The following PLPP2 variants were observed in gnomAD, a reference collection of about 807,000 sequenced individuals.
PLPP2 encodes the protein phospholipid phosphatase 2, also known as PAP2-gamma.
PLPP2 carries 29 observed loss-of-function variants against 35.2 expected under a neutral mutation model. The ratio of observed to expected loss-of-function variants is 0.82; its 90% CI spans 0.61 to 1.12. PLPP2 has a LOEUF of 1.12. Ranked by LOEUF, PLPP2 falls within the 50% of genes most tolerant of loss-of-function variation. PLPP2 has a pLI of 0.00. For synonymous variants in PLPP2, 162 were observed against 167.0 expected (o/e 0.97, Z 0.23); for missense variants, 353 against 375.2 (o/e 0.94, Z 0.49).
In PLPP2 at chr19:287,538, A is replaced by G. The variant is rs767414654; in HGVS notation, c.418T>C (p.Cys140Arg). 1.4e-5 allele frequency: 22 copies of G among 1,613,658 alleles called. No individual in the cohort carries two copies. The highest frequency in any genetic ancestry group is 1.6e-4 in the Middle Eastern group (1 of 6,084). ...VCDPDWSRVN[C>R]SVYVQLEKVC... ...TTCTCCAGCTGCACATAGACCGAGC[A>G]GTTGACCCGGCTCCAGTCGGGGTCG... Residue 140 changes from cysteine to arginine, a missense_variant, in exon 3 of 6, where the codon TGC becomes CGC. Cys to Arg is a radical substitution (Grantham distance 180). Transcript: ENST00000434325. The surrounding 1 kb of genome is among the most constrained non-coding windows in gnomAD (Gnocchi z 4.3).
chr19:284,367 T>C (rs1432056677), intron 3 of PLPP2: 1 of 149,322 alleles, frequency 6.7e-6, no homozygotes, highest in African/African-American at 2.5e-5. Context: ...AAAAAAAAAA[T>C]TACAAGGCAT....
At chr19:281,786 C>T (rs1023891192) in intron 5 of PLPP2, among the ~76,000 whole-genome samples, 4 of 129,328 alleles carry the variant, frequency 3.1e-5, no homozygotes, top group Middle Eastern at 4.1e-3. Flanking sequence ...CTGGGGTGCA[C>T]GGAAAGGAGT....
intron 3 of PLPP2, chr19:283,781 T>C (rs2145268600): frequency 6.6e-6 from 1 of 152,324 alleles, no homozygotes; most frequent in South Asian, 2.1e-4. Flanking sequence ...GCGGAAGGGC[T>C]GACCCCACAT....
chr19:289,540 C>A (rs1018380389), intron 1 of PLPP2, among the ~76,000 whole-genome samples: 4 of 151,888 alleles, frequency 2.6e-5, no homozygotes, highest in Non-Finnish European at 5.9e-5. Context: ...ACGGTGAAAC[C>A]CCAACTCTAC....
In PLPP2 at chr19:291,360, G is replaced by T; in HGVS notation, c.-24C>A. The stretch of plus-strand genomic sequence containing the variant: ...ATGGTCCCCGCGACCCCCGACGCCG[G>T]TCCCAGCGCGTCCCGTCGCGTCCCG... On this transcript the variant is annotated 5_prime_UTR_variant, in exon 1 of 6. Coordinates refer to ENST00000434325, the MANE Select transcript of PLPP2 (RefSeq NM_003712.4). 6.3e-7 allele frequency: 1 copy of T among 1,583,888 alleles called. No individual in the cohort carries two copies. Among genetic ancestry groups the T allele is most frequent in the Non-Finnish European group, 8.6e-7 (1 of 1,167,392 alleles).
intron 1 of PLPP2, among the ~76,000 whole-genome samples, chr19:290,396 G>A (rs1970363232): frequency 6.6e-6 from 1 of 152,218 alleles, no homozygotes; most frequent in Non-Finnish European, 1.5e-5. Context: ...CTCAGGAAAT[G>A]GTACCACGGG....
At chr19:284,832 A>G (rs1034615209) in intron 3 of PLPP2, 20 of 152,172 alleles carry the variant, frequency 1.3e-4, no homozygotes, top group African/African-American at 4.8e-4. Context: ...AAATAGGTCA[A>G]TTGGCCGGGC....
At chr19:281,603 G>A (rs1970175107) in intron 5 of PLPP2, 66 bp from the exon 6 acceptor site, 2 of 1,356,736 alleles carry the variant, frequency 1.5e-6, no homozygotes, top group Admixed American at 5.3e-5. Context: ...ATGGGCATGA[G>A]CAGGAGGGGG....
Position 281,891 on chromosome 19 carries a change from G to T in PLPP2, c.717+243C>A. On this transcript the variant is annotated intron_variant, in intron 5 of 5. Coordinates refer to ENST00000434325, the MANE Select transcript of PLPP2 (RefSeq NM_003712.4). ...GGAAGGGGTCCCAGGGGAGGACTTT[G>T]GGGGTAATGAAGAGGGTCCAGGTAA... 5.5e-6 allele frequency: 3 copies of T among 542,164 alleles called. No homozygotes were observed. In the South Asian group the frequency reaches 7.0e-5, roughly 13 times the overall value. 33.6% of individuals were successfully genotyped at this position (542,164 alleles called of 1,614,324 possible). A position where few individuals can be genotyped will look rare whatever the true frequency, so the allele number is the denominator to read the frequency against.
rs772255166 is a variant in PLPP2, at chr19:282,330, T to A, written c.541-20A>T. 6 of 1,610,792 alleles carry A rather than the reference T, an allele frequency of 3.7e-6. No homozygotes were observed. In the East Asian group the frequency reaches 1.3e-4, roughly 36 times the overall value. Reference sequence around the variant, plus strand: ...ATACAGCTGGAGTGGGGAGAGGACGTGTTAGCCTGTGCACCTGCCAGGCGC... The same window carrying A: ...ATACAGCTGGAGTGGGGAGAGGACGAGTTAGCCTGTGCACCTGCCAGGCGC... On this transcript the variant is annotated intron_variant, in intron 4 of 5. Coordinates refer to ENST00000434325, the MANE Select transcript of PLPP2 (RefSeq NM_003712.4).
chr19:290,792 G>C (rs904737122), intron 1 of PLPP2, among the ~76,000 whole-genome samples: 2 of 152,110 alleles, frequency 1.3e-5, no homozygotes, highest in Admixed American at 6.5e-5. Flanking sequence ...GGGCCTCCCC[G>C]CACGTGCACG....
Position 282,735 on chromosome 19 carries a change from G to C in PLPP2, c.540+17C>G. 1 of 1,610,100 alleles carries C rather than the reference G, an allele frequency of 6.2e-7. No homozygotes were observed. The highest frequency in any genetic ancestry group is 8.5e-7 in the Non-Finnish European group (1 of 1,176,710). On this transcript the variant is annotated intron_variant, in intron 4 of 5. Coordinates refer to ENST00000434325, the MANE Select transcript of PLPP2 (RefSeq NM_003712.4). ...CATGGTTCCCCCGAAAAGCAAGCCC[G>C]GGAGAAACAGACTCACCGCCAAGAA... is the stretch of plus-strand genomic sequence containing the variant.
intron 1 of PLPP2, 162 bp downstream of exon 1, chr19:291,123 G>A: frequency 7.3e-7 from 1 of 1,378,338 alleles, no homozygotes. Context: ...CGCAGTGCGG[G>A]GCGCGGAGGG....
chr19:281,569 G>A, intron 5 of PLPP2, 32 bp from the exon 6 acceptor site: 1 of 1,445,066 alleles, frequency 6.9e-7, no homozygotes, highest in Non-Finnish European at 9.2e-7. Context: ...AGAATGGGCA[G>A]GGGGCTGTCC....
chr19:290,638 G>A (rs544143539), intron 1 of PLPP2, among the ~76,000 whole-genome samples: 2 of 152,222 alleles, frequency 1.3e-5, no homozygotes, highest in Admixed American at 1.3e-4. Context: ...GCCTCGGGAT[G>A]CCCATTCCGC....
chr19:287,263 C>T lies in PLPP2; in HGVS notation c.482+211G>A. The T allele has an allele frequency of 1.2e-5, 7 of 596,320 alleles. No individual in the cohort carries two copies. Among genetic ancestry groups the T allele is most frequent in the Non-Finnish European group, 1.7e-5 (6 of 348,028 alleles). 36.9% of individuals were successfully genotyped at this position (596,320 alleles called of 1,614,324 possible). ...AGGTAAATGTACTAAACAACAGAAC[C>T]CCAAAATACTTAAAGCAAAAACTGA... On this transcript the variant is annotated intron_variant, in intron 3 of 5. Coordinates refer to ENST00000434325, the MANE Select transcript of PLPP2 (RefSeq NM_003712.4). The surrounding 1 kb of genome is among the most constrained non-coding windows in gnomAD (Gnocchi z 4.3).
At chr19:283,030 ACT>A (rs1398781636) in intron 3 of PLPP2, 2 of 559,766 alleles carry the variant, frequency 3.6e-6, no homozygotes, top group East Asian at 6.0e-5. Context: ...ATCCGTGAAG[ACT>A]CTGAGGCCTG....
rs971491360 is a variant in PLPP2 at position 288,101 on chromosome 19, G to A, written c.123C>T (p.Asp41=). 1 of 1,613,318 alleles carries A rather than the reference G, an allele frequency of 6.2e-7. No individual in the cohort carries two copies. The highest frequency in any genetic ancestry group is 1.3e-5 in the African/African-American group (1 of 74,912). Reference sequence around the variant, plus strand: ...CTGGACGGTAGGGGTACCGGATGGAGTCATCCCCGCAGTAAAATCCTCGCT... The same window carrying A: ...CTGGACGGTAGGGGTACCGGATGGAATCATCCCCGCAGTAAAATCCTCGCT... The part of the protein sequence containing the change: ...PYKRGFYCGD[D]SIRYPYRPDT... The change falls in exon 2 of 6, where the codon GAC becomes GAT. Residue 41 remains aspartate, a synonymous_variant. Coordinates refer to ENST00000434325, the MANE Select transcript of PLPP2 (RefSeq NM_003712.4).
intron 1 of PLPP2, among the ~76,000 whole-genome samples, chr19:289,580 G>C (rs762370181): frequency 6.6e-6 from 1 of 152,200 alleles, no homozygotes; most frequent in South Asian, 2.1e-4. Context: ...TGGGTGTGGC[G>C]GTGTCCCAGC....
Sources: allele counts gnomAD v4.1 joint callset (sites outside exome capture counted in the v4.1 genomes callset), GRCh38; gene constraint gnomAD v4.1.1; non-coding constraint Gnocchi (gnomAD v3.1); transcripts MANE v1.5; gene names NCBI Gene and HGNC (gene_info 2026-07-23, HGNC 2026-07-21).